Variants in FMN2 observed in about 807,000 individuals in gnomAD.
FMN2 encodes the protein formin 2, also known as formin-2.
Under a neutral mutation model 142.3 loss-of-function variants are expected in FMN2, and 51 were observed. That is an observed-to-expected ratio of 0.36 (90% confidence interval 0.29 to 0.45). The LOEUF (loss-of-function observed/expected upper bound fraction) is 0.45, where lower values mean the gene tolerates loss of function less well. Among genes scored for constraint, FMN2 ranks in the 20% least tolerant of loss-of-function variants. FMN2 has a pLI of 1.00. For missense variants in FMN2, 1,936 were observed against 2,122.8 expected (o/e 0.91, Z 1.73); for synonymous variants, 882 against 869.8 (o/e 1.01, Z -0.25).
chr1:240,129,505 CT>C (rs35446628), intron 2 of FMN2, among the ~76,000 whole-genome samples: 532 of 121,962 alleles, frequency 4.4e-3, no homozygotes, highest in African/African-American at 6.5e-3. Flanking sequence ...CTGCTGATGC[CT>C]TTTTTTTTTT....
intron 6 of FMN2, among the ~76,000 whole-genome samples, chr1:240,214,379 GTC>G (rs1572074374): frequency 1.3e-5 from 2 of 151,596 alleles, no homozygotes; most frequent in African/African-American, 4.9e-5. Context: ...TAGAAACCCC[GTC>G]TCTACTAAAA....
chr1:240,227,719 T>C (rs971053553), intron 6 of FMN2, among the ~76,000 whole-genome samples: 10 of 152,172 alleles, frequency 6.6e-5, no homozygotes, highest in Non-Finnish European at 1.5e-4. Flanking sequence ...TTTCAACAAA[T>C]GGTGTTGGGA....
At chr1:240,108,617 C>T (rs375984983) in intron 1 of FMN2, among the ~76,000 whole-genome samples, 2 of 152,152 alleles carry the variant, frequency 1.3e-5, no homozygotes, top group African/African-American at 2.4e-5. Context: ...AAAAATTTAA[C>T]GTGACAAGAC....
At chr1:240,278,608 G>T (rs1053965562) in intron 7 of FMN2, among the ~76,000 whole-genome samples, 1 of 152,204 alleles carries the variant, frequency 6.6e-6, no homozygotes, top group Non-Finnish European at 1.5e-5. Context: ...ATAGGAAATT[G>T]CTTCTTCTTT....
At position 240,469,080 on chromosome 1, in the gene FMN2, A is replaced by G. The variant is rs201861012; in HGVS notation, c.5061-3292A>G. On this transcript the variant is annotated intron_variant, in intron 16 of 17. Transcript: ENST00000319653. ...CAAGTTGATGTGGTTTGGGTTTGCA[A>G]TCTGGTACAAGAGTGGGAACTGAGG... 2.4e-4 allele frequency among the ~76,000 whole-genome samples: 37 copies of G among 152,212 alleles called. No individual in the cohort carries two copies. In the East Asian group the frequency reaches 6.0e-3, roughly 25 times the overall value.
At chr1:240,107,361 C>G (rs1661652892) in intron 1 of FMN2, among the ~76,000 whole-genome samples, 1 of 152,130 alleles carries the variant, frequency 6.6e-6, no homozygotes, top group African/African-American at 2.4e-5. Flanking sequence ...CAGCTGTGGT[C>G]TGTGTGACTC....
rs74151625 is a variant in FMN2 at position 240,324,092 on chromosome 1, C to T, written c.4216-4984C>T. On this transcript the variant is annotated intron_variant, in intron 8 of 17. Transcript: ENST00000319653. ...TTGGGATTTGCTAGCCCTTGTTTTC[C>T]CCCTTACCATAATAGTGAGTTGTGG... 5.5e-3 allele frequency among the ~76,000 whole-genome samples: 832 copies of T among 152,194 alleles called. 9 individuals carry two copies. The highest frequency in any genetic ancestry group is 0.019 in the African/African-American group (780 of 41,536).
chr1:240,105,860 T>C (rs1661588958), intron 1 of FMN2, among the ~76,000 whole-genome samples: 1 of 152,208 alleles, frequency 6.6e-6, no homozygotes, highest in South Asian at 2.1e-4. Context: ...TAGTGCTTTT[T>C]TTTACAGCAA....
chr1:240,470,838 TAAA>T (rs5782143), intron 16 of FMN2, among the ~76,000 whole-genome samples: 47 of 150,888 alleles, frequency 3.1e-4, no homozygotes, highest in African/African-American at 6.0e-4. Flanking sequence ...CCCTTTTTAT[TAAA>T]AAAAAAAAAT....
chr1:240,436,501 C>T (rs1675375727), intron 15 of FMN2, among the ~76,000 whole-genome samples: 1 of 151,932 alleles, frequency 6.6e-6, no homozygotes, highest in African/African-American at 2.4e-5. Context: ...AGCAAACTCA[C>T]CTTAAAGATC....
intron 13 of FMN2, among the ~76,000 whole-genome samples, chr1:240,351,374 G>A (rs1431447247): frequency 2.6e-5 from 4 of 152,126 alleles, no homozygotes; most frequent in Non-Finnish European, 4.4e-5. Flanking sequence ...CTGGACAGGT[G>A]CGTTTCATGA....
At chr1:240,238,939 G>A (rs983501918) in intron 6 of FMN2, among the ~76,000 whole-genome samples, 2 of 151,548 alleles carry the variant, frequency 1.3e-5, no homozygotes, top group African/African-American at 2.4e-5. Flanking sequence ...TATCTGTGAC[G>A]ATAGAAGTTA....
intron 5 of FMN2, among the ~76,000 whole-genome samples, chr1:240,209,248 CTTT>C (rs35230925): frequency 1.4e-4 from 19 of 138,516 alleles, no homozygotes; most frequent in Non-Finnish European, 1.4e-4. Flanking sequence ...TTCTTAAATC[CTTT>C]TTTTTTTTTT....
Position 240,334,247 on chromosome 1 carries a change from A to AC in FMN2, c.4765+19dup. The stretch of plus-strand genomic sequence containing the variant: ...CTTGAAAGGTAACTTAAAATCCTGA[A>AC]CTCATGTTTTCTGTTTATGCTTTTT... On this transcript the variant is annotated intron_variant, in intron 13 of 17. Coordinates refer to ENST00000319653, the MANE Select transcript of FMN2 (RefSeq NM_020066.5). 6.4e-7 allele frequency: 1 copy of AC among 1,572,860 alleles called. No individual in the cohort carries two copies. The highest frequency in any genetic ancestry group is 8.6e-7 in the Non-Finnish European group (1 of 1,167,438).
intron 2 of FMN2, among the ~76,000 whole-genome samples, chr1:240,124,946 G>A (rs1448003189): frequency 2.6e-5 from 4 of 152,144 alleles, no homozygotes; most frequent in African/African-American, 7.2e-5. Flanking sequence ...GATTACAGGC[G>A]TGAGCCACTG....
At chr1:240,209,580 CT>C (rs1236615832) in intron 5 of FMN2, among the ~76,000 whole-genome samples, 1 of 150,816 alleles carries the variant, frequency 6.6e-6, no homozygotes, top group African/African-American at 2.4e-5. Context: ...GGTAAACTGA[CT>C]CTGGAGCATG....
At chr1:240,301,500 TTTC>T (rs1283163941) in intron 8 of FMN2, among the ~76,000 whole-genome samples, 2 of 152,010 alleles carry the variant, frequency 1.3e-5, no homozygotes, top group African/African-American at 2.4e-5. Flanking sequence ...TTATATCGTT[TTTC>T]TTTAGCCTAA....
chr1:240,445,411 G>T (rs928302207), intron 16 of FMN2, among the ~76,000 whole-genome samples: 1 of 152,180 alleles, frequency 6.6e-6, no homozygotes, highest in Non-Finnish European at 1.5e-5. Context: ...AGAGAGGTTG[G>T]TCAGAGGAGG....
At chr1:240,216,595 G>T (rs990392568) in intron 6 of FMN2, among the ~76,000 whole-genome samples, 1 of 152,162 alleles carries the variant, frequency 6.6e-6, no homozygotes, top group African/African-American at 2.4e-5. Context: ...TATTATAAGG[G>T]CAGGTAATAA....
Sources: gnomAD v4.1 joint callset for allele counts (sites outside exome capture counted in the v4.1 genomes callset) on GRCh38, gnomAD v4.1.1 for gene constraint, MANE v1.5 for transcripts, NCBI Gene and HGNC (gene_info 2026-07-23, HGNC 2026-07-21) for gene names.